ZNF836: variants seen among roughly 807,000 people sequenced by gnomAD.
The protein encoded by ZNF836 is zinc finger protein 836.
Under a neutral mutation model 7.4 loss-of-function variants are expected in ZNF836, and 12 were observed. The ratio of observed to expected loss-of-function variants is 1.61; its 90% CI spans 1.03 to 2.61. The LOEUF is 2.61. ZNF836 is among the 30% of genes most tolerant of loss of function. The probability of loss-of-function intolerance (pLI) is 0.00; values close to 1 mark genes in which losing one functional copy is unlikely to be tolerated. For missense variants in ZNF836, 998 were observed against 1,126.2 expected (o/e 0.89, Z 1.63); for synonymous variants, 365 against 382.6 (o/e 0.95, Z 0.54).
chr19:52,157,550 A>T lies in ZNF836; in HGVS notation c.143-10T>A. 1 of 1,479,394 alleles carries T rather than the reference A, an allele frequency of 6.8e-7. No individual in the cohort carries two copies. The highest frequency in any genetic ancestry group is 8.9e-7 in the Non-Finnish European group (1 of 1,118,984). The allele number at this position is 1,479,394 out of a possible 1,614,324, so 91.6% of individuals were successfully genotyped here. ...CATTTAGGAAGGATACCTACAAAAT[A>T]TAATGAACATGGGAGTTTTTTCGTT... is the stretch of plus-strand genomic sequence containing the variant. On this transcript the variant is annotated splice_polypyrimidine_tract_variant and intron_variant, in intron 4 of 4. Transcript: ENST00000682614.
intron 3 of ZNF836, among the ~76,000 whole-genome samples, chr19:52,167,329 G>A (rs1327089124): frequency 2.0e-5 from 3 of 151,416 alleles, no homozygotes; most frequent in Non-Finnish European, 2.9e-5. Context: ...AAAATCAGCC[G>A]GGCGTGGTGG....
intron 3 of ZNF836, chr19:52,165,459 A>C (rs951207924): frequency 4.6e-5 from 7 of 152,266 alleles, no homozygotes; most frequent in African/African-American, 1.7e-4. Context: ...AAAAACTTGC[A>C]AAACAAAACT....
At position 52,155,087 on chromosome 19, in the gene ZNF836, C is replaced by G; in HGVS notation, c.2596G>C (p.Glu866Gln). 1 of 1,614,212 alleles carries G rather than the reference C, an allele frequency of 6.2e-7. No homozygotes were observed. Among genetic ancestry groups the G allele is most frequent in the Non-Finnish European group, 8.5e-7 (1 of 1,180,034 alleles). Reference sequence around the variant, plus strand: ...AACCGCCCAAAGGCCTTGCCACATTCAATACATTTGTATGGCTTCTCTCCA... The same window carrying G: ...AACCGCCCAAAGGCCTTGCCACATTGAATACATTTGTATGGCTTCTCTCCA... ...HTGEKPYKCI[E>Q]CGKAFGRFSC... The change falls in exon 5 of 5, where the codon GAA becomes CAA. Residue 866 changes from glutamate (E) to glutamine (Q), a missense_variant. By Grantham distance (29) the Glu-to-Gln change is conservative (BLOSUM62 2). Coordinates refer to ENST00000682614, the MANE Select transcript of ZNF836 (RefSeq NM_001102657.3).
intron 3 of ZNF836, among the ~76,000 whole-genome samples, chr19:52,164,880 G>C (rs1385447252): frequency 6.6e-6 from 1 of 152,178 alleles, no homozygotes; most frequent in Non-Finnish European, 1.5e-5. Flanking sequence ...TTGAGTTCAG[G>C]AGTTTGAGAC....
chr19:52,164,468 G>GGAAC (rs1555787935), intron 3 of ZNF836, among the ~76,000 whole-genome samples: 1 of 118,144 alleles, frequency 8.5e-6, no homozygotes, highest in Non-Finnish European at 1.8e-5. Flanking sequence ...AAGGAAGGAA[G>GGAAC]GAAGGAAGGA....
At position 52,156,296 on chromosome 19, in the gene ZNF836, T is replaced by C; in HGVS notation, c.1387A>G (p.Ser463Gly). The part of the protein sequence containing the change: ...QRSQLARHQR[S>G]HTGEKPYKCN... The stretch of plus-strand genomic sequence containing the variant: ...TTGTAAGGTTTCTCTCCAGTATGAC[T>C]TCTCTGGTGCCTTGCAAGTTGTGAA... The change falls in exon 5 of 5, where the codon AGT becomes GGT. Residue 463 changes from serine (S) to glycine (G), a missense_variant. Physicochemically the swap from Ser to Gly is moderately conservative, Grantham distance 56. Coordinates refer to ENST00000682614, the MANE Select transcript of ZNF836 (RefSeq NM_001102657.3). 1 of 1,614,200 alleles carries C rather than the reference T, an allele frequency of 6.2e-7. No homozygotes were observed. The highest frequency in any genetic ancestry group is 8.5e-7 in the Non-Finnish European group (1 of 1,180,032).
chr19:52,165,630 G>C (rs976771444), intron 3 of ZNF836, among the ~76,000 whole-genome samples: 8 of 152,098 alleles, frequency 5.3e-5, no homozygotes, highest in African/African-American at 1.4e-4. Flanking sequence ...AAGGAACCTG[G>C]GTTCCCCCAG....
intron 4 of ZNF836, 75 bp from the exon 5 acceptor site, chr19:52,157,615 G>A: frequency 7.4e-7 from 1 of 1,360,126 alleles, no homozygotes; most frequent in Non-Finnish European, 9.6e-7. Flanking sequence ...CTGTTGCCCA[G>A]GCTGGAGTGG....
chr19:52,164,288 G>C (rs2089240886), intron 3 of ZNF836, among the ~76,000 whole-genome samples: 1 of 151,808 alleles, frequency 6.6e-6, no homozygotes, highest in Non-Finnish European at 1.5e-5. Flanking sequence ...AGCTACTCAG[G>C]AGGTTAAGGT....
At chr19:52,165,240 T>G (rs1406969888) in intron 3 of ZNF836, 1 of 152,212 alleles carries the variant, frequency 6.6e-6, no homozygotes, top group East Asian at 1.9e-4. Flanking sequence ...TATGCCATCC[T>G]AAAAGAGGCA....
intron 4 of ZNF836, among the ~76,000 whole-genome samples, chr19:52,159,197 A>G (rs2089192369): frequency 6.6e-6 from 1 of 152,226 alleles, no homozygotes; most frequent in South Asian, 2.1e-4. Flanking sequence ...CTAATATGCC[A>G]TCTCATTATA....
chr19:52,159,810 AG>A (rs2089197233), intron 4 of ZNF836, among the ~76,000 whole-genome samples: 1 of 152,174 alleles, frequency 6.6e-6, no homozygotes, highest in African/African-American at 2.4e-5. Context: ...AGCATGGGGC[AG>A]CAGCGTTTGT....
intron 3 of ZNF836, among the ~76,000 whole-genome samples, chr19:52,164,968 T>C (rs981178706): frequency 6.6e-6 from 1 of 152,070 alleles, no homozygotes; most frequent in Admixed American, 6.6e-5. Context: ...TGAGTGCCAA[T>C]AGTCCCAGCT....
In ZNF836 at chr19:52,154,942, G is replaced by A. The variant is rs558892397; in HGVS notation, c.2741C>T (p.Ala914Val). 1 of 1,577,720 alleles carries A rather than the reference G, an allele frequency of 6.3e-7. No homozygotes were observed. Among genetic ancestry groups the A allele is most frequent in the Non-Finnish European group, 8.6e-7 (1 of 1,163,036 alleles). Residue 914 changes from alanine (A) to valine (V), a missense_variant, in exon 5 of 5, where the codon GCA becomes GTA. By Grantham distance (64) the Ala-to-Val change is moderately conservative (BLOSUM62 0). Coordinates refer to ENST00000682614, the MANE Select transcript of ZNF836 (RefSeq NM_001102657.3). ...ATTGAATTTTGTTTTAAGACTCTCT[G>A]CAGTATGTTTTGTCTGATGTTTAGT... ...GLTKHQTKHTAESLKTKFNVE... is the reference protein window; with the variant it reads ...GLTKHQTKHTVESLKTKFNVE...
Position 52,157,061 on chromosome 19 carries a change from G to A in ZNF836, c.622C>T (p.Leu208Phe), listed in dbSNP as rs993704680. ...TTTTCCCTAATGTGTGTTTTCTCAA[G>A]TTGGGTGGGTAATGACAGCTGCAAA... is the stretch of plus-strand genomic sequence containing the variant. ...EFLQLSLPTQ[L>F]EKTHIREKPY... The change falls in exon 5 of 5, where the codon CTT (leucine) becomes TTT (phenylalanine). Residue 208 changes from leucine (L) to phenylalanine (F), a missense_variant. By Grantham distance (22) the Leu-to-Phe change is conservative. Coordinates refer to ENST00000682614, the MANE Select transcript of ZNF836 (RefSeq NM_001102657.3). The A allele has an allele frequency of 1.2e-6, 2 of 1,613,854 alleles. No homozygotes were observed. The highest frequency in any genetic ancestry group is 1.7e-5 in the Admixed American group (1 of 60,002).
chr19:52,156,431 C>T lies in ZNF836; in HGVS notation c.1252G>A (p.Glu418Lys), dbSNP rs778379255. 1 of 1,614,132 alleles carries T rather than the reference C, an allele frequency of 6.2e-7. No homozygotes were observed. Among genetic ancestry groups the T allele is most frequent in the South Asian group, 1.1e-5 (1 of 91,072 alleles). ...HSGNKPYKCD[E>K]CGKTFKRSSS... Reference sequence around the variant, plus strand: ...CTCCGTTTAAAGGTTTTGCCACACTCATCACATTTGTAAGGTTTGTTTCCA... The same window carrying T: ...CTCCGTTTAAAGGTTTTGCCACACTTATCACATTTGTAAGGTTTGTTTCCA... Residue 418 changes from glutamate (E) to lysine (K), a missense_variant, in exon 5 of 5, where the codon GAG becomes AAG. Glu to Lys is a moderately conservative substitution (Grantham distance 56). Coordinates refer to ENST00000682614, the MANE Select transcript of ZNF836 (RefSeq NM_001102657.3).
chr19:52,165,133 T>C (rs1315550157), intron 3 of ZNF836: 1 of 152,158 alleles, frequency 6.6e-6, no homozygotes, highest in Admixed American at 6.5e-5. Flanking sequence ...AAGAAAACCT[T>C]AGATCTAAAA....
Position 52,167,592 on chromosome 19 carries a change from T to C in ZNF836, c.15+466A>G, listed in dbSNP as rs553319413. ...AAGATTTTGAAGTTAGAAACAGTGA[T>C]TAATTCATACACCTTCAAATGTAGT... On this transcript the variant is annotated intron_variant, in intron 3 of 4. Coordinates refer to ENST00000682614, the MANE Select transcript of ZNF836 (RefSeq NM_001102657.3). Among the ~76,000 whole-genome samples the C allele has an allele frequency of 4.6e-5, 7 of 152,212 alleles. No individual in the cohort carries two copies. In the East Asian group the frequency reaches 7.7e-4, roughly 17 times the overall value.
chr19:52,164,676 G>A (rs149240983), intron 3 of ZNF836, among the ~76,000 whole-genome samples: 332 of 151,894 alleles, frequency 2.2e-3, no homozygotes, highest in African/African-American at 7.7e-3. Context: ...AGCATGAGGG[G>A]CTCATGGCAA....
Sources: allele counts gnomAD v4.1 joint callset (sites outside exome capture counted in the v4.1 genomes callset), GRCh38; gene constraint gnomAD v4.1.1; transcripts MANE v1.5; gene names NCBI Gene and HGNC (gene_info 2026-07-23, HGNC 2026-07-21).